The following SMPD3 variants were observed in gnomAD, a reference collection of about 807,000 sequenced individuals.
SMPD3 encodes sphingomyelin phosphodiesterase 3, also known as nSMase-2.
A neutral mutation model predicts 55.7 loss-of-function variants in SMPD3; 21 were observed. That is an observed-to-expected ratio of 0.38 (90% CI 0.27 to 0.54). SMPD3 has a LOEUF of 0.54. Ranked by LOEUF, SMPD3 falls within the 20% of genes least tolerant of loss-of-function variation. The pLI, the probability that SMPD3 is intolerant of heterozygous loss-of-function variation, is 0.80. For missense variants in SMPD3, 842 were observed against 899.6 expected (o/e 0.94, Z 0.82); for synonymous variants, 457 against 404.3 (o/e 1.13, Z -1.56).
At chr16:68,406,110 G>GTCTT (rs1206178902) in intron 1 of SMPD3, among the ~76,000 whole-genome samples, 1 of 151,454 alleles carries the variant, frequency 6.6e-6, no homozygotes, top group Non-Finnish European at 1.5e-5. Context: ...CAGTCTGCCA[G>GTCTT]TCTTTCCCGT....
intron 2 of SMPD3, among the ~76,000 whole-genome samples, chr16:68,377,624 G>A (rs1192280259): frequency 2.0e-5 from 3 of 152,202 alleles, no homozygotes; most frequent in Non-Finnish European, 4.4e-5. Flanking sequence ...ACCAGCGGAG[G>A]GTGATCCCAG....
intron 1 of SMPD3, among the ~76,000 whole-genome samples, chr16:68,390,059 C>T (rs995475307): frequency 5.3e-5 from 8 of 152,112 alleles, no homozygotes; most frequent in African/African-American, 1.7e-4. Flanking sequence ...ATGCGTTTTC[C>T]AGGAAGGGGG....
chr16:68,435,358 T>A (rs944119334), intron 1 of SMPD3, among the ~76,000 whole-genome samples: 23 of 152,226 alleles, frequency 1.5e-4, no homozygotes, highest in Admixed American at 5.9e-4. Flanking sequence ...CAGTGAGGGC[T>A]TTTTCAGTGC....
At chr16:68,425,470 A>G (rs970818934) in intron 1 of SMPD3, among the ~76,000 whole-genome samples, 1 of 126,868 alleles carries the variant, frequency 7.9e-6, no homozygotes, top group African/African-American at 3.0e-5. Flanking sequence ...TCTCTTGGAG[A>G]GGGTCTTTGG....
At chr16:68,443,441 A>G (rs2090583956) in intron 1 of SMPD3, among the ~76,000 whole-genome samples, 1 of 152,264 alleles carries the variant, frequency 6.6e-6, no homozygotes, top group African/African-American at 2.4e-5. Context: ...GGAAATAAAG[A>G]TAAGCTCTAT....
chr16:68,370,981 T>C lies in SMPD3; in HGVS notation c.1201A>G (p.Lys401Glu). 2 of 1,613,998 alleles carry C rather than the reference T, an allele frequency of 1.2e-6. No individual in the cohort carries two copies. The highest frequency in any genetic ancestry group is 1.7e-6 in the Non-Finnish European group (2 of 1,180,014). Residue 401 changes from lysine (K) to glutamate (E), a missense_variant, in exon 3 of 9, where the codon AAG (lysine) becomes GAG (glutamate). Around this residue, in one of 2 missense-constraint regions of SMPD3, gnomAD observed 649 missense variants for 643.6 expected, o/e 1.01. Transcript: ENST00000219334. ...AAGAGGAGGCCGCTGTTGAGACACT[T>C]GAAGCTGCAGCAGCCCTGGCAGCCG... The part of the protein sequence containing the change: ...VYGCQGCCSF[K>E]CLNSGLLFAS...
chr16:68,433,571 C>G (rs2152030964), intron 1 of SMPD3, among the ~76,000 whole-genome samples: 1 of 152,334 alleles, frequency 6.6e-6, no homozygotes, highest in South Asian at 2.1e-4. Flanking sequence ...CAGGCTATGT[C>G]TTGGGACAAC....
chr16:68,441,954 C>T (rs535346896), intron 1 of SMPD3, among the ~76,000 whole-genome samples: 8 of 151,996 alleles, frequency 5.3e-5, no homozygotes, highest in South Asian at 2.1e-4. Context: ...TTTATAGAGA[C>T]GGGGTCTCAC....
intron 1 of SMPD3, among the ~76,000 whole-genome samples, chr16:68,411,325 G>T (rs1007272609): frequency 3.3e-5 from 5 of 152,192 alleles, no homozygotes; most frequent in African/African-American, 7.2e-5. Flanking sequence ...AGCTCCAGGT[G>T]TGGCGGCCAC....
At chr16:68,388,323 G>A (rs559370749) in intron 1 of SMPD3, among the ~76,000 whole-genome samples, 4 of 152,188 alleles carry the variant, frequency 2.6e-5, no homozygotes, top group South Asian at 2.1e-4. Flanking sequence ...CTGCTGTCCC[G>A]GCCTGTCCTC....
chr16:68,436,596 C>T (rs2090524637), intron 1 of SMPD3, among the ~76,000 whole-genome samples: 1 of 152,192 alleles, frequency 6.6e-6, no homozygotes, highest in Non-Finnish European at 1.5e-5. Flanking sequence ...CACAACGCTC[C>T]ACTCACTACA....
chr16:68,416,604 T>C (rs2090341627), intron 1 of SMPD3, among the ~76,000 whole-genome samples: 2 of 152,274 alleles, frequency 1.3e-5, no homozygotes, highest in African/African-American at 2.4e-5. Context: ...CAGTTTACCT[T>C]GGCAGGTTCA....
intron 1 of SMPD3, among the ~76,000 whole-genome samples, chr16:68,419,970 G>A (rs2090376528): frequency 6.9e-6 from 1 of 144,222 alleles, no homozygotes; most frequent in Non-Finnish European, 1.5e-5. Flanking sequence ...GTAGTATCCC[G>A]AATAGCTATT....
At position 68,445,155 on chromosome 16, in the gene SMPD3, G is replaced by A. The variant is rs536902749; in HGVS notation, c.-269+3198C>T. 6.6e-5 allele frequency among the ~76,000 whole-genome samples: 10 copies of A among 152,320 alleles called. No homozygotes were observed. In the East Asian group the frequency reaches 1.9e-3, roughly 29 times the overall value. ...TTGCATTTGGTAATAGCCTCCAGAA[G>A]CCTTCATTTTCTGGGCTACATTGTT... On this transcript the variant is annotated intron_variant, in intron 1 of 8. Coordinates refer to ENST00000219334, the MANE Select transcript of SMPD3 (RefSeq NM_018667.4).
chr16:68,362,679 C>G (rs577955817), intron 7 of SMPD3, among the ~76,000 whole-genome samples: 42 of 152,226 alleles, frequency 2.8e-4, no homozygotes, highest in South Asian at 1.0e-3. Context: ...TGGGCTTCCA[C>G]AAGGTTTTCA....
intron 2 of SMPD3, among the ~76,000 whole-genome samples, chr16:68,374,841 A>G (rs1480333210): frequency 6.6e-6 from 1 of 152,106 alleles, no homozygotes; most frequent in Non-Finnish European, 1.5e-5. Flanking sequence ...TCTCTGGTGG[A>G]CCAGCTGGGG....
chr16:68,364,702 A>C, intron 5 of SMPD3, 49 bp downstream of exon 5: 1 of 1,573,570 alleles, frequency 6.4e-7, no homozygotes, highest in Non-Finnish European at 8.6e-7. Flanking sequence ...GACTGAGCCC[A>C]CAGCCTCCCC....
chr16:68,385,688 G>A (rs61068644), intron 2 of SMPD3, among the ~76,000 whole-genome samples: 15 of 152,170 alleles, frequency 9.9e-5, no homozygotes, highest in South Asian at 2.1e-4. Context: ...TCTTGTTTTC[G>A]CTCCTAGTCT....
chr16:68,439,938 A>T (rs1370026698), intron 1 of SMPD3, among the ~76,000 whole-genome samples: 1 of 152,198 alleles, frequency 6.6e-6, no homozygotes, highest in African/African-American at 2.4e-5. Flanking sequence ...CAGGGTAAAC[A>T]TGATGGAGAA....
Sources: gnomAD v4.1 joint callset for allele counts (sites outside exome capture counted in the v4.1 genomes callset) on GRCh38, gnomAD v4.1.1 for gene constraint, gnomAD v4.1.1 regional missense constraint, MANE v1.5 for transcripts, NCBI Gene and HGNC (gene_info 2026-07-23, HGNC 2026-07-21) for gene names.